The following SLC6A20 variants were observed in gnomAD, a reference collection of about 807,000 sequenced individuals.
The protein encoded by SLC6A20 is solute carrier family 6 member 20.
Under a neutral mutation model 64.3 loss-of-function variants are expected in SLC6A20, and 73 were observed. The ratio of observed to expected loss-of-function variants is 1.14; its 90% confidence interval spans 0.94 to 1.38. The LOEUF (loss-of-function observed/expected upper bound fraction) is 1.38, where lower values mean the gene tolerates loss of function less well. Ranked by LOEUF, SLC6A20 falls within the 40% of genes most tolerant of loss-of-function variation. The pLI, the probability that SLC6A20 is intolerant of heterozygous loss-of-function variation, is 0.00. For synonymous variants in SLC6A20, 347 were observed against 329.6 expected (o/e 1.05, Z -0.57); for missense variants, 725 against 772.8 (o/e 0.94, Z 0.73).
intron 1 of SLC6A20, among the ~76,000 whole-genome samples, chr3:45,795,681 G>GTGGC (rs1168029449): frequency 1.3e-5 from 2 of 152,202 alleles, no homozygotes; most frequent in East Asian, 1.9e-4. Flanking sequence ...GTAAGAGCGC[G>GTGGC]TGGCTGGCTG....
chr3:45,771,876 T>G (rs960680609), intron 5 of SLC6A20: 1 of 207,804 alleles, frequency 4.8e-6, no homozygotes, highest in African/African-American at 2.3e-5. Context: ...TGCACAGGTC[T>G]GGGCATTCAG....
intron 1 of SLC6A20, among the ~76,000 whole-genome samples, chr3:45,795,263 A>G (rs1218776759): frequency 6.6e-6 from 1 of 152,320 alleles, no homozygotes; most frequent in East Asian, 1.9e-4. Flanking sequence ...AAAATGTCAA[A>G]TCCATTTTAT....
chr3:45,788,564 C>G (rs181878278), intron 1 of SLC6A20, among the ~76,000 whole-genome samples: 73 of 152,262 alleles, frequency 4.8e-4, no homozygotes, highest in African/African-American at 1.7e-3. Context: ...AGCCTGTGAT[C>G]TTTCAGAAAT....
rs1457790313 is a variant in SLC6A20, at chr3:45,770,341, G to T, written c.966C>A (p.Asp322Glu). 2.5e-6 allele frequency: 4 copies of T among 1,614,158 alleles called. No individual in the cohort carries two copies. Among genetic ancestry groups the T allele is most frequent in the Middle Eastern group, 1.7e-4 (1 of 6,010 alleles). The part of the protein sequence containing the change: ...KVSLLLTNTF[D>E]LEDGFLTASN... ...TGGCTGTCAAAAAGCCATCTTCAAG[G>T]TCAAAAGTGTTGGTCAGCAGCAGAC... Residue 322 changes from aspartate (D) to glutamate (E), a missense_variant, in exon 7 of 11, where the codon GAC becomes GAA. Physicochemically the swap from Asp to Glu is conservative, Grantham distance 45. Coordinates refer to ENST00000358525, the MANE Select transcript of SLC6A20 (RefSeq NM_020208.4).
chr3:45,782,062 G>T (rs959729432), intron 2 of SLC6A20, 21 bp downstream of exon 2: 1 of 1,586,940 alleles, frequency 6.3e-7, no homozygotes, highest in East Asian at 2.3e-5. Context: ...GGTGGGAGAG[G>T]ACTGGAGGGG....
chr3:45,777,960 C>A (rs1179306343), intron 3 of SLC6A20, among the ~76,000 whole-genome samples: 1 of 152,190 alleles, frequency 6.6e-6, no homozygotes, highest in African/African-American at 2.4e-5. Flanking sequence ...CACCTCCCCA[C>A]CCTGCACCCC....
At chr3:45,779,608 G>A (rs1700034283) in intron 3 of SLC6A20, among the ~76,000 whole-genome samples, 1 of 152,150 alleles carries the variant, frequency 6.6e-6, no homozygotes, top group Admixed American at 6.5e-5. Flanking sequence ...GGAGGAAGAG[G>A]ACAGGCCGTT....
chr3:45,795,625 A>C (rs1204795992), intron 1 of SLC6A20, among the ~76,000 whole-genome samples: 1 of 152,178 alleles, frequency 6.6e-6, no homozygotes, highest in Non-Finnish European at 1.5e-5. Context: ...GGTTATAGAC[A>C]TGTGTAGAAG....
intron 5 of SLC6A20, chr3:45,772,021 T>G: frequency 5.9e-6 from 1 of 168,120 alleles, no homozygotes; most frequent in East Asian, 1.7e-4. Context: ...ATTTGCCAAA[T>G]GAAGAACTTG....
Position 45,763,105 on chromosome 3 carries a change from C to T in SLC6A20, c.1304-33G>A, listed in dbSNP as rs113497906. ...CCACAAGACCAGCTGCTCACCTGCC[C>T]GAGACCCCCCCACTACTGCTTACCA... On this transcript the variant is annotated intron_variant, in intron 8 of 10. Coordinates refer to ENST00000358525, the MANE Select transcript of SLC6A20 (RefSeq NM_020208.4). 263 of 1,611,524 alleles carry T rather than the reference C, an allele frequency of 1.6e-4. 1 individual carries two copies. In the African/African-American group the frequency reaches 2.3e-3, roughly 14 times the overall value.
At chr3:45,779,925 C>A in intron 3 of SLC6A20, 84 bp downstream of exon 3, 2 of 1,445,666 alleles carry the variant, frequency 1.4e-6, no homozygotes, top group Non-Finnish European at 9.5e-7. Context: ...CCTTGCCCCA[C>A]ACCCCCTTCC....
chr3:45,782,123 G>T lies in SLC6A20; in HGVS notation c.222C>A (p.Ile74=). 1 of 1,613,172 alleles carries T rather than the reference G, an allele frequency of 6.2e-7. No individual in the cohort carries two copies. The highest frequency in any genetic ancestry group is 8.5e-7 in the Non-Finnish European group (1 of 1,179,602). Residue 74 remains isoleucine, a synonymous_variant, in exon 2 of 11, where the codon ATC becomes ATA. Transcript: ENST00000358525. ...AVGQRMRQGS[I]GAWRTISPYL... ...ACGGGCTGATGGTCCTCCAGGCGCCGATGCTGCCCTGCCGCATGCGCTGCC... is the reference window on the plus strand; with the variant it reads ...ACGGGCTGATGGTCCTCCAGGCGCCTATGCTGCCCTGCCGCATGCGCTGCC...
rs968655597 is a variant in SLC6A20 at position 45,796,416 on chromosome 3, C to T, written c.4G>A (p.Glu2Lys). 1.2e-6 allele frequency: 2 copies of T among 1,611,560 alleles called. No individual in the cohort carries two copies. The highest frequency in any genetic ancestry group is 1.3e-5 in the African/African-American group (1 of 74,582). Residue 2 changes from glutamate (E) to lysine (K), a missense_variant, in exon 1 of 11, where the codon GAG (glutamate) becomes AAG (lysine). Glu to Lys is a moderately conservative substitution (Grantham distance 56). Transcript: ENST00000358525. ...TTGGCCCACAGCGGCCGCGCTTTCT[C>T]CATGGCCCCGGCCTCGGCGCGCTCG... M[E>K]KARPLWANSL...
chr3:45,775,539 T>G (rs1699950208), intron 4 of SLC6A20, among the ~76,000 whole-genome samples: 1 of 152,098 alleles, frequency 6.6e-6, no homozygotes, highest in Non-Finnish European at 1.5e-5. Flanking sequence ...TTTTGAGATT[T>G]AGGGTTGCAA....
Position 45,765,738 on chromosome 3 carries a change from C to T in SLC6A20, c.1102G>A (p.Val368Ile), listed in dbSNP as rs202052317. Residue 368 changes from valine to isoleucine, a missense_variant, in exon 8 of 11, where the codon GTC becomes ATC. Physicochemically the swap from Val to Ile is conservative, Grantham distance 29. Coordinates refer to ENST00000358525, the MANE Select transcript of SLC6A20 (RefSeq NM_020208.4). The surrounding 1 kb of genome is among the most constrained non-coding windows in gnomAD (Gnocchi z 4.2). ...CSLESELDTA[V>I]QGTGLAFIVY... is the part of the protein sequence containing the mutation. ...ATGAATGCCAGGCCAGTGCCCTGGA[C>T]GGCCTGCCCAGGGTGAGAAGACACC... 1.5e-4 allele frequency: 245 copies of T among 1,614,102 alleles called. 3 individuals are homozygous for T. The Middle Eastern group carries it at 2.1e-3, about 14-fold the overall frequency.
At chr3:45,774,363 T>G (rs1279006105) in intron 4 of SLC6A20, among the ~76,000 whole-genome samples, 1 of 152,268 alleles carries the variant, frequency 6.6e-6, no homozygotes, top group African/African-American at 2.4e-5. Flanking sequence ...TCTGATCTCT[T>G]GGATCATGAT....
At chr3:45,793,494 T>TA (rs1313227234) in intron 1 of SLC6A20, among the ~76,000 whole-genome samples, 1 of 152,110 alleles carries the variant, frequency 6.6e-6, no homozygotes, top group African/African-American at 2.4e-5. Flanking sequence ...CTTTTATTTT[T>TA]TATTTTTCTA....
chr3:45,781,481 G>A (rs943628189), intron 2 of SLC6A20, among the ~76,000 whole-genome samples: 1 of 152,178 alleles, frequency 6.6e-6, no homozygotes, highest in African/African-American at 2.4e-5. Context: ...CATAAGCAAT[G>A]TGCAGGGCAG....
chr3:45,760,852 G>A (rs891054820), intron 9 of SLC6A20, among the ~76,000 whole-genome samples: 7 of 152,232 alleles, frequency 4.6e-5, no homozygotes, highest in African/African-American at 1.4e-4. Flanking sequence ...CCAGGGCTGC[G>A]ATGCCTTCTT....
Sources: allele counts gnomAD v4.1 joint callset (sites outside exome capture counted in the v4.1 genomes callset), GRCh38; gene constraint gnomAD v4.1.1; non-coding constraint Gnocchi (gnomAD v3.1); transcripts MANE v1.5; gene names NCBI Gene and HGNC (gene_info 2026-07-23, HGNC 2026-07-21).